ENO2: variants seen among roughly 807,000 people sequenced by gnomAD.
ENO2 encodes enolase 2, also known as gamma-enolase.
In ENO2, 19 loss-of-function variants were observed where a neutral mutation model predicts 48.7. The ratio of observed to expected loss-of-function variants is 0.39; its 90% CI spans 0.27 to 0.57. The LOEUF is 0.57. Among genes scored for constraint, ENO2 ranks in the 20% least tolerant of loss-of-function variants. The pLI is 0.58. For missense variants in ENO2, 416 were observed against 555.0 expected, an observed-to-expected ratio of 0.75 and a Z score of 2.52; for synonymous variants, 198 against 213.4, an observed-to-expected ratio of 0.93 and a Z score of 0.63.
At position 6,918,012 on chromosome 12, in the gene ENO2, G is replaced by A. The variant is rs1945307622; in HGVS notation, c.517G>A (p.Val173Met). ...CATGCAGGAGTTCATGATCCTCCCA[G>A]TGGGAGCTGAGAGCTTTCGGGATGC... ...LAMQEFMILP[V>M]GAESFRDAMR... The change falls in exon 7 of 12, where the codon GTG (valine) becomes ATG (methionine). Residue 173 changes from valine to methionine, a missense_variant. Transcript: ENST00000229277. 2 of 1,614,186 alleles carry A rather than the reference G, an allele frequency of 1.2e-6. No individual in the cohort carries two copies. Among genetic ancestry groups the A allele is most frequent in the Admixed American group, 1.7e-5 (1 of 60,028 alleles).
In ENO2 at chr12:6,919,473, C is replaced by T. The variant is rs1458989800; in HGVS notation, c.668-93C>T. On this transcript the variant is annotated intron_variant, in intron 7 of 11. Transcript: ENST00000229277. ...CCGCCACACTTCCCTCAGGAACAGC[C>T]CTCCACCTCTGCCCTGAATGTCTTT... The T allele has an allele frequency of 1.1e-4, 156 of 1,405,038 alleles. 2 individuals are homozygous for T. The South Asian group carries it at 1.6e-3, about 14-fold the overall frequency. 87.0% of individuals were successfully genotyped at this position (1,405,038 alleles called of 1,614,324 possible).
chr12:6,916,957 G>A lies in ENO2; in HGVS notation c.241-81G>A. ...CTGGTTGGACCCTGGCCAAATGTGA[G>A]CTTGGGTGTGAATGAGGGGACCCTC... On this transcript the variant is annotated intron_variant, in intron 4 of 11. Coordinates refer to ENST00000229277, the MANE Select transcript of ENO2 (RefSeq NM_001975.3). This position sits in a 1 kb window ranked among gnomAD's most constrained non-coding sequence, Gnocchi z 4.5. The A allele has an allele frequency of 1.3e-6, 2 of 1,589,520 alleles. No homozygotes were observed. Among genetic ancestry groups the A allele is most frequent in the Non-Finnish European group, 8.6e-7 (1 of 1,160,748 alleles).
rs192215364 is a variant in ENO2, at chr12:6,917,139, G to A, written c.310+32G>A. 1.7e-4 allele frequency: 275 copies of A among 1,613,364 alleles called. No homozygotes were observed. In the African/African-American group the frequency reaches 2.7e-3, roughly 16 times the overall value. ...CGGGGCCGGGAGAAAGTGGGGAAGC[G>A]TCAGGGTGGGGAGGCGTGGAGCAGA... On this transcript the variant is annotated intron_variant, in intron 5 of 11. Coordinates refer to ENST00000229277, the MANE Select transcript of ENO2 (RefSeq NM_001975.3).
intron 7 of ENO2, 77 bp from the exon 8 acceptor site, chr12:6,919,489 G>T (rs1479566034): frequency 2.6e-6 from 4 of 1,530,590 alleles, no homozygotes; most frequent in Non-Finnish European, 3.6e-6. Context: ...CCTCTGCCCT[G>T]AATGTCTTTT....
chr12:6,915,756 T>A, intron 1 of ENO2, 65 bp from the exon 2 acceptor site: 330 of 564,648 alleles, frequency 5.8e-4, no homozygotes, highest in Non-Finnish European at 9.0e-4. Flanking sequence ...GCCCCGCCCA[T>A]TGATCTCAGG....
rs373757710 is a variant in ENO2 at position 6,918,123 on chromosome 12, G to A, written c.628G>A (p.Glu210Lys). 2 of 1,614,230 alleles carry A rather than the reference G, an allele frequency of 1.2e-6. No homozygotes were observed. The highest frequency in any genetic ancestry group is 1.7e-5 in the Admixed American group (1 of 60,028). Residue 210 changes from glutamate (E) to lysine (K), a missense_variant, in exon 7 of 12, where the codon GAA becomes AAA. Physicochemically the swap from Glu to Lys is moderately conservative, Grantham distance 56. Transcript: ENST00000229277. ...CAAGGATGCCACCAATGTGGGGGAT[G>A]AAGGTGGCTTTGCCCCCAATATCCT... is the stretch of plus-strand genomic sequence containing the variant. ...YGKDATNVGD[E>K]GGFAPNILEN...
In ENO2 at chr12:6,917,099, A is replaced by G. The variant is rs1555141677; in HGVS notation, c.302A>G (p.Glu101Gly). 1 of 1,614,102 alleles carries G rather than the reference A, an allele frequency of 6.2e-7. No individual in the cohort carries two copies. The highest frequency in any genetic ancestry group is 8.5e-7 in the Non-Finnish European group (1 of 1,180,016). The change falls in exon 5 of 12, where the codon GAG (glutamate) becomes GGG (glycine). Residue 101 changes from glutamate (E) to glycine (G), a missense_variant. Glu to Gly is a moderately conservative substitution (Grantham distance 98). Coordinates refer to ENST00000229277, the MANE Select transcript of ENO2 (RefSeq NM_001975.3). ...CTGATGCTGGAGTTGGATGGGACTG[A>G]GAACAAATGTGAGCCGGGGCCGGGA... ...DNLMLELDGT[E>G]NKSKFGANAI...
Position 6,919,742 on chromosome 12 carries a change from G to A in ENO2, c.844G>A (p.Asp282Asn). Residue 282 changes from aspartate (D) to asparagine (N), a missense_variant, in exon 8 of 12, where the codon GAC (aspartate) becomes AAC (asparagine). Asp to Asn is a conservative substitution (Grantham distance 23). Coordinates refer to ENST00000229277, the MANE Select transcript of ENO2 (RefSeq NM_001975.3). The stretch of plus-strand genomic sequence containing the variant: ...GGACCAGCTGGGGGCACTCTACCAG[G>A]ACTTTGTCAGGGACTATCCTGGTGA... ...TGDQLGALYQ[D>N]FVRDYPVVSI... 1.9e-6 allele frequency: 3 copies of A among 1,613,952 alleles called. No homozygotes were observed. In the South Asian group the frequency reaches 3.3e-5, roughly 18 times the overall value.
In ENO2 at chr12:6,923,510, C is replaced by T. The variant is rs912449405; in HGVS notation, c.*710C>T. ...CTTTGTGTGTACTCACTGAAGCCTG[C>T]GTTGGTCCAGAGCGGAGGCTGTGTG... On this transcript the variant is annotated 3_prime_UTR_variant, in exon 12 of 12. Coordinates refer to ENST00000229277, the MANE Select transcript of ENO2 (RefSeq NM_001975.3). 27 of 152,186 alleles carry T rather than the reference C, an allele frequency of 1.8e-4. No homozygotes were observed. The highest frequency in any genetic ancestry group is 6.5e-4 in the African/African-American group (27 of 41,412). 9.4% of individuals were successfully genotyped at this position (152,186 alleles called of 1,614,324 possible).
intron 1 of ENO2, chr12:6,915,508 A>G (rs1251528841): frequency 3.0e-6 from 1 of 332,056 alleles, no homozygotes; most frequent in Non-Finnish European, 5.8e-6. Context: ...CCAAGCTGCA[A>G]AGAGGCGCGG....
rs114713883 is a variant in ENO2, at chr12:6,916,815, G to T, written c.240+86G>T. 6.1e-4 allele frequency: 956 copies of T among 1,556,778 alleles called. 3 individuals carry two copies. In the African/African-American group the frequency reaches 0.01, roughly 17 times the overall value. On this transcript the variant is annotated intron_variant, in intron 4 of 11. Transcript: ENST00000229277. This position sits in a 1 kb window ranked among gnomAD's most constrained non-coding sequence, Gnocchi z 4.5. ...GGGCAGGAGGAAGGGAAGAAAGAAG[G>T]CCCACTCTTAGGAATCATGGTTACA...
chr12:6,917,742 C>T (rs201375772), intron 6 of ENO2, 28 bp downstream of exon 6: 1 of 1,608,862 alleles, frequency 6.2e-7, no homozygotes, highest in East Asian at 2.2e-5. Flanking sequence ...CTGCGGCTCT[C>T]CCAGGGGCGG....
chr12:6,922,098 T>G lies in ENO2; in HGVS notation c.1110T>G (p.Ser370Arg), dbSNP rs782209242. ...AQENGWGVMV[S>R]HRSGETEDTF... is the part of the protein sequence containing the mutation. ...AGAATGGCTGGGGGGTCATGGTGAG[T>G]CATCGCTCAGGAGAGACTGAGGACA... The change falls in exon 10 of 12, where the codon AGT becomes AGG. Residue 370 changes from serine to arginine, a missense_variant. By Grantham distance (110) the Ser-to-Arg change is moderately radical (BLOSUM62 -1). Coordinates refer to ENST00000229277, the MANE Select transcript of ENO2 (RefSeq NM_001975.3). The surrounding 1 kb of genome is among the most constrained non-coding windows in gnomAD (Gnocchi z 5.3). 6.2e-7 allele frequency: 1 copy of G among 1,613,892 alleles called. No homozygotes were observed.
Position 6,922,183 on chromosome 12 carries a change from T to A in ENO2, c.1176+19T>A. ...AGGCCAGGTGAGTGAGGCAGCCTGG[T>A]GAGTGAAGAGAACTCTCTGTGGGAT... On this transcript the variant is annotated intron_variant, in intron 10 of 11. Coordinates refer to ENST00000229277, the MANE Select transcript of ENO2 (RefSeq NM_001975.3). The surrounding 1 kb of genome is among the most constrained non-coding windows in gnomAD (Gnocchi z 5.3). The A allele has an allele frequency of 1.9e-6, 3 of 1,611,614 alleles. No homozygotes were observed. Among genetic ancestry groups the A allele is most frequent in the Non-Finnish European group, 1.7e-6 (2 of 1,178,230 alleles).
chr12:6,917,340 T>C, intron 5 of ENO2: 1 of 700,278 alleles, frequency 1.4e-6, no homozygotes, highest in Non-Finnish European at 2.3e-6. Context: ...CCTGAGAGAG[T>C]CTGTGGTCTC....
In ENO2 at chr12:6,915,825, C is replaced by T; in HGVS notation, c.-8C>T. ...CCTTCCCTTCCACCCGAGGAGATCC[C>T]AGCCATCATGTCCATAGAGAAGATC... On this transcript the variant is annotated 5_prime_UTR_variant, in exon 2 of 12. Transcript: ENST00000229277. The T allele has an allele frequency of 6.2e-7, 1 of 1,613,776 alleles. No homozygotes were observed. Among genetic ancestry groups the T allele is most frequent in the Non-Finnish European group, 8.5e-7 (1 of 1,179,866 alleles).
rs80339637 is a variant in ENO2 at position 6,918,095 on chromosome 12, C to T, written c.600C>T (p.Tyr200=). 2.6e-4 allele frequency: 414 copies of T among 1,614,144 alleles called. 2 individuals are homozygous for T. The East Asian group carries it at 6.3e-3, about 24-fold the overall frequency. ...HTLKGVIKDK[Y]GKDATNVGDE... Reference sequence around the variant, plus strand: ...TCAAGGGAGTCATCAAGGACAAATACGGCAAGGATGCCACCAATGTGGGGG... The same window carrying T: ...TCAAGGGAGTCATCAAGGACAAATATGGCAAGGATGCCACCAATGTGGGGG... The change falls in exon 7 of 12, where the codon TAC becomes TAT. Residue 200 remains tyrosine (Y), a synonymous_variant. Coordinates refer to ENST00000229277, the MANE Select transcript of ENO2 (RefSeq NM_001975.3).
chr12:6,917,255 G>A, intron 5 of ENO2, 148 bp downstream of exon 5: 2 of 1,010,158 alleles, frequency 2.0e-6, no homozygotes, highest in Non-Finnish European at 1.4e-6. Flanking sequence ...GGGGAGATGA[G>A]TTTAGCTGCA....
At chr12:6,918,308 T>C in intron 7 of ENO2, 146 bp downstream of exon 7, 4 of 791,916 alleles carry the variant, frequency 5.1e-6, no homozygotes, top group Non-Finnish European at 7.8e-6. Flanking sequence ...TTAGAGTGGA[T>C]TGCAGAGAGC....
Sources: allele counts gnomAD v4.1 joint callset, GRCh38; gene constraint gnomAD v4.1.1; non-coding constraint Gnocchi (gnomAD v3.1); transcripts MANE v1.5; gene names NCBI Gene and HGNC (gene_info 2026-07-23, HGNC 2026-07-21).